Variants in EZH2 observed in about 807,000 individuals in gnomAD.
EZH2 encodes the protein histone-lysine N-methyltransferase EZH2.
A neutral mutation model predicts 98.4 loss-of-function variants in EZH2; 18 were observed. The observed-to-expected ratio is 0.18, with a 90% confidence interval of 0.13 to 0.27. EZH2 has a LOEUF of 0.27. Among genes scored for constraint, EZH2 ranks in the 10% least tolerant of loss-of-function variants. EZH2 has a pLI of 1.00. For synonymous variants in EZH2, 338 were observed against 312.3 expected, an observed-to-expected ratio of 1.08 and a Z score of -0.87; for missense variants, 470 against 935.1, an observed-to-expected ratio of 0.50 and a Z score of 6.49.
At chr7:148,842,003 A>C (rs1300196393) in intron 3 of EZH2, among the ~76,000 whole-genome samples, 1 of 152,240 alleles carries the variant, frequency 6.6e-6, no homozygotes, top group African/African-American at 2.4e-5. Flanking sequence ...AAGTTTTTAA[A>C]TTCTTCATAC....
intron 4 of EZH2, among the ~76,000 whole-genome samples, chr7:148,831,138 G>GA (rs1809276567): frequency 6.6e-6 from 1 of 151,990 alleles, no homozygotes; most frequent in Non-Finnish European, 1.5e-5. Flanking sequence ...AGGGAATGTG[G>GA]AAAAAATCTC....
At chr7:148,843,592 T>TG (rs1176463638) in intron 3 of EZH2, among the ~76,000 whole-genome samples, 1 of 105,878 alleles carries the variant, frequency 9.4e-6, no homozygotes, top group Non-Finnish European at 1.9e-5. Context: ...AGTTTTTTTT[T>TG]TTTTTTTTTT....
At chr7:148,862,075 G>A (rs1445197874) in intron 1 of EZH2, among the ~76,000 whole-genome samples, 1 of 152,140 alleles carries the variant, frequency 6.6e-6, no homozygotes, top group Non-Finnish European at 1.5e-5. Flanking sequence ...GGCTAGTTCA[G>A]TTCACAACTC....
At chr7:148,830,790 AG>A (rs1809166728) in intron 4 of EZH2, among the ~76,000 whole-genome samples, 1 of 152,196 alleles carries the variant, frequency 6.6e-6, no homozygotes, top group African/African-American at 2.4e-5. Context: ...TACAAGGTAA[AG>A]AAAGTTGACA....
intron 1 of EZH2, among the ~76,000 whole-genome samples, chr7:148,848,521 G>T (rs1346706517): frequency 6.6e-6 from 1 of 152,158 alleles, no homozygotes; most frequent in Non-Finnish European, 1.5e-5. Flanking sequence ...TGCCTAAGAA[G>T]AAGATTTAGA....
At position 148,863,274 on chromosome 7, in the gene EZH2, T is replaced by C. The variant is rs1466604918; in HGVS notation, c.-7-15969A>G. On this transcript the variant is annotated intron_variant, in intron 1 of 19. Coordinates refer to ENST00000320356, the MANE Select transcript of EZH2 (RefSeq NM_004456.5). ...ATATTCAAATTATATATTTCTAAAA[T>C]TTATAATGAAACATAGAAATCACCA... Among the ~76,000 whole-genome samples, 2 of 152,028 alleles carry C rather than the reference T, an allele frequency of 1.3e-5. 1 individual carries two copies. The highest frequency in any genetic ancestry group is 4.2e-4 in the South Asian group (2 of 4,818).
At chr7:148,817,090 GA>G (rs886122259) in intron 11 of EZH2, 131 bp downstream of exon 11, 245 of 852,890 alleles carry the variant, frequency 2.9e-4, no homozygotes, top group African/African-American at 1.8e-3. Context: ...CTCTTGGGAA[GA>G]AAAAAAAATT....
intron 14 of EZH2, 72 bp from the exon 15 acceptor site, chr7:148,814,209 G>A: frequency 7.4e-7 from 1 of 1,360,504 alleles, no homozygotes; most frequent in South Asian, 1.3e-5. Context: ...ACGTGGCAAG[G>A]GCTGTACTGG....
At chr7:148,842,981 G>A (rs1812864055) in intron 3 of EZH2, among the ~76,000 whole-genome samples, 1 of 151,876 alleles carries the variant, frequency 6.6e-6, no homozygotes, top group African/African-American at 2.4e-5. Context: ...GCCAAGGTGG[G>A]TGGATCACCT....
At chr7:148,814,553 C>G (rs1172915782) in intron 14 of EZH2, among the ~76,000 whole-genome samples, 2 of 152,136 alleles carry the variant, frequency 1.3e-5, no homozygotes, top group East Asian at 3.9e-4. Flanking sequence ...GACTAAAACC[C>G]TCCTAACTCT....
At chr7:148,850,254 G>A (rs1190946706) in intron 1 of EZH2, among the ~76,000 whole-genome samples, 2 of 152,132 alleles carry the variant, frequency 1.3e-5, no homozygotes, top group African/African-American at 2.4e-5. Flanking sequence ...TCCTGACCTT[G>A]TGATCCACCC....
At chr7:148,838,438 C>T (rs897567108) in intron 3 of EZH2, among the ~76,000 whole-genome samples, 2 of 151,988 alleles carry the variant, frequency 1.3e-5, no homozygotes, top group South Asian at 4.2e-4. Flanking sequence ...TGCAGCTTTG[C>T]GGAAAAACTC....
chr7:148,881,062 G>A (rs1434921517), intron 1 of EZH2, among the ~76,000 whole-genome samples: 1 of 152,174 alleles, frequency 6.6e-6, no homozygotes, highest in Non-Finnish European at 1.5e-5. Context: ...GTTCACTTAT[G>A]CTCTCCCCCG....
At chr7:148,843,478 C>T (rs565838471) in intron 3 of EZH2, among the ~76,000 whole-genome samples, 1 of 151,886 alleles carries the variant, frequency 6.6e-6, no homozygotes, top group South Asian at 2.1e-4. Flanking sequence ...AAAGCACTCA[C>T]TTCAGTAAAC....
Position 148,814,260 on chromosome 7 carries a change from C to A in EZH2, c.1673-123G>T, listed in dbSNP as rs991080826. On this transcript the variant is annotated intron_variant, in intron 14 of 19. Transcript: ENST00000320356. ...TCAACCCTCACAACCACCTTATTAC[C>A]CTACTATATAGACAAGGAAATGGAA... The A allele has an allele frequency of 5.1e-6, 4 of 784,348 alleles. No homozygotes were observed. In the African/African-American group the frequency reaches 6.9e-5, roughly 14 times the overall value. The allele number at this position is 784,348 out of a possible 1,614,324, so 48.6% of individuals were successfully genotyped here.
At chr7:148,837,867 A>C (rs1811304660) in intron 3 of EZH2, among the ~76,000 whole-genome samples, 2 of 152,234 alleles carry the variant, frequency 1.3e-5, no homozygotes, top group South Asian at 4.1e-4. Flanking sequence ...AAATTATTTC[A>C]GTTTGTGTTG....
In EZH2 at chr7:148,843,597, T is replaced by G. The variant is rs1256247760; in HGVS notation, c.246+2873A>C. 8.9e-5 allele frequency among the ~76,000 whole-genome samples: 10 copies of G among 112,868 alleles called. No homozygotes were observed. In the East Asian group the frequency reaches 1.2e-3, roughly 14 times the overall value. 74.0% of individuals were successfully genotyped at this position (112,868 alleles called of 152,430 possible). On this transcript the variant is annotated intron_variant, in intron 3 of 19. Transcript: ENST00000320356. Reference sequence around the variant, plus strand: ...TGGGAGTATAAGTTTTTTTTTTTTTTTTTTTTTTTTTTTTTTGAGACAGCG... The same window carrying G: ...TGGGAGTATAAGTTTTTTTTTTTTTGTTTTTTTTTTTTTTTTGAGACAGCG...
At chr7:148,845,566 T>C (rs1813790378) in intron 3 of EZH2, among the ~76,000 whole-genome samples, 1 of 152,238 alleles carries the variant, frequency 6.6e-6, no homozygotes, top group East Asian at 1.9e-4. Context: ...GAAGCTCATA[T>C]GTCACACAAT....
intron 15 of EZH2, among the ~76,000 whole-genome samples, chr7:148,813,559 T>C (rs1043952246): frequency 1.3e-5 from 2 of 152,000 alleles, no homozygotes; most frequent in African/African-American, 4.8e-5. Flanking sequence ...GCAAGGAATC[T>C]ATAAATACTC....
Sources: allele counts gnomAD v4.1 joint callset (sites outside exome capture counted in the v4.1 genomes callset), GRCh38; gene constraint gnomAD v4.1.1; transcripts MANE v1.5; gene names NCBI Gene and HGNC (gene_info 2026-07-23, HGNC 2026-07-21).